CAST: variants seen among roughly 807,000 people sequenced by gnomAD.
CAST encodes the protein calpastatin, also known as MIR583 host.
CAST carries 76 observed loss-of-function variants against 119.6 expected under a neutral mutation model. The ratio of observed to expected loss-of-function variants is 0.64; its 90% CI spans 0.53 to 0.77. The LOEUF (loss-of-function observed/expected upper bound fraction) is 0.77. Ranked by LOEUF, CAST falls within the 30% of genes least tolerant of loss-of-function variation. The probability of loss-of-function intolerance (pLI) is 0.00; values close to 1 mark genes in which losing one functional copy is unlikely to be tolerated. For missense variants in CAST, 953 were observed against 946.5 expected (o/e 1.01, Z -0.09); for synonymous variants, 319 against 331.6 (o/e 0.96, Z 0.41).
chr5:96,095,556 C>CAAA, the CAST span, among the ~76,000 whole-genome samples: 10 of 57,540 alleles, frequency 1.7e-4, no homozygotes, highest in East Asian at 7.3e-4. Context: ...GACTCTGTTT[C>CAAA]AAAAAAAAAA....
the CAST span, among the ~76,000 whole-genome samples, chr5:96,289,532 T>C: frequency 4.6e-5 from 7 of 152,160 alleles, no homozygotes; most frequent in African/African-American, 1.4e-4. Context: ...GTTCTCATTC[T>C]CTCTCTTCCC....
At chr5:96,709,991 C>T (rs1406879823) in intron 3 of CAST, among the ~76,000 whole-genome samples, 1 of 152,164 alleles carries the variant, frequency 6.6e-6, no homozygotes, top group East Asian at 1.9e-4. Context: ...AGGACGCGGG[C>T]TATAGAGAAA....
intron 1 of CAST, among the ~76,000 whole-genome samples, chr5:96,662,746 G>A (rs1396177919): frequency 6.6e-6 from 1 of 152,220 alleles, no homozygotes; most frequent in African/African-American, 2.4e-5. Context: ...GACGCGTCAA[G>A]AAAAGTTGGC....
At chr5:96,688,091 A>C (rs948163956) in intron 2 of CAST, among the ~76,000 whole-genome samples, 15 of 152,360 alleles carry the variant, frequency 9.8e-5, no homozygotes, top group African/African-American at 3.4e-4. Flanking sequence ...GCTGTGGTAC[A>C]GTGTTAAAAA....
chr5:96,338,971 A>C, the CAST span, among the ~76,000 whole-genome samples: 1 of 152,106 alleles, frequency 6.6e-6, no homozygotes, highest in Non-Finnish European at 1.5e-5. Flanking sequence ...GCTCATGGGC[A>C]CTCTGCTCCA....
the CAST span, among the ~76,000 whole-genome samples, chr5:96,136,249 T>C: frequency 6.6e-6 from 1 of 152,356 alleles, no homozygotes; most frequent in African/African-American, 2.4e-5. Flanking sequence ...TATTATGTTA[T>C]TTATTTTAGT....
At chr5:96,361,582 G>A in the CAST span, among the ~76,000 whole-genome samples, 3 of 152,162 alleles carry the variant, frequency 2.0e-5, no homozygotes, top group African/African-American at 7.2e-5. Flanking sequence ...TTGGCTAGGG[G>A]AGGGAGTTCC....
chr5:96,257,857 C>T, the CAST span, among the ~76,000 whole-genome samples: 2 of 152,224 alleles, frequency 1.3e-5, no homozygotes, highest in South Asian at 2.1e-4. Flanking sequence ...GCGCACAAGG[C>T]GCACTCTTTT....
chr5:96,051,125 AGTGTTT>A, the CAST span, among the ~76,000 whole-genome samples: 1 of 152,076 alleles, frequency 6.6e-6, no homozygotes, highest in Non-Finnish European at 1.5e-5. Flanking sequence ...ATTTCCCTAA[AGTGTTT>A]GTATCTGCTT....
chr5:96,171,381 G>T, the CAST span, among the ~76,000 whole-genome samples: 2 of 152,218 alleles, frequency 1.3e-5, no homozygotes, highest in African/African-American at 2.4e-5. Flanking sequence ...AGGGTGGAAG[G>T]TTGCCCATAG....
At chr5:96,729,570 A>G (rs1355639458) in intron 7 of CAST, 42 bp from the exon 8 acceptor site, 2 of 804,372 alleles carry the variant, frequency 2.5e-6, no homozygotes, top group South Asian at 1.4e-5. Flanking sequence ...CTTGTTAACA[A>G]TGTCTTTATA....
chr5:96,595,710 G>A (rs1747041271), intron 1 of CAST, among the ~76,000 whole-genome samples: 1 of 151,960 alleles, frequency 6.6e-6, no homozygotes, highest in African/African-American at 2.4e-5. Context: ...GTATTTCAGG[G>A]GAACGAGGAA....
At chr5:96,392,726 G>T in the CAST span, 1 of 493,534 alleles carries the variant, frequency 2.0e-6, no homozygotes. Context: ...TAGTGTAAGA[G>T]CTTTTTGTCA....
chr5:96,689,560 A>G (rs527907037), intron 2 of CAST, among the ~76,000 whole-genome samples: 55 of 152,344 alleles, frequency 3.6e-4, no homozygotes, highest in African/African-American at 8.4e-4. Flanking sequence ...TAGGCATTAT[A>G]TACACATGCA....
the CAST span, among the ~76,000 whole-genome samples, chr5:96,338,620 G>A: frequency 4.6e-5 from 7 of 152,174 alleles, no homozygotes; most frequent in African/African-American, 1.7e-4. Flanking sequence ...AAGTAGAAAT[G>A]TGATTTGGTG....
the CAST span, chr5:96,423,317 T>C: frequency 7.1e-5 from 114 of 1,608,402 alleles, no homozygotes; most frequent in Non-Finnish European, 8.8e-5. Flanking sequence ...ACTTACATAG[T>C]TGGCATAAAT....
intron 1 of CAST, among the ~76,000 whole-genome samples, chr5:96,602,546 G>T (rs1005855377): frequency 3.9e-5 from 6 of 152,222 alleles, no homozygotes; most frequent in Non-Finnish European, 8.8e-5. Flanking sequence ...GAGGTCAGAA[G>T]TCCGAGACCA....
At chr5:96,185,585 G>A in the CAST span, among the ~76,000 whole-genome samples, 3 of 152,246 alleles carry the variant, frequency 2.0e-5, no homozygotes, top group South Asian at 2.1e-4. Flanking sequence ...AGCACTCTTA[G>A]CACCATTTAT....
chr5:96,367,807 G>A, the CAST span, among the ~76,000 whole-genome samples: 8 of 152,036 alleles, frequency 5.3e-5, no homozygotes, highest in Admixed American at 1.3e-4. Flanking sequence ...TTTGGCTCAC[G>A]CTCGGTGGGC....
Sources: allele counts gnomAD v4.1 joint callset (sites outside exome capture counted in the v4.1 genomes callset), GRCh38; gene constraint gnomAD v4.1.1; transcripts MANE v1.5; gene names NCBI Gene and HGNC (gene_info 2026-07-23, HGNC 2026-07-21).